Variants in TIA1 observed in about 807,000 individuals in gnomAD.
The protein encoded by TIA1 is cytotoxic granule associated RNA binding protein TIA1.
A neutral mutation model predicts 65.9 loss-of-function variants in TIA1; 23 were observed. That is an observed-to-expected ratio of 0.35 (90% CI 0.25 to 0.49). The LOEUF is 0.49. Ranked by LOEUF, TIA1 falls within the 20% of genes least tolerant of loss-of-function variation. The pLI, the probability that TIA1 is intolerant of heterozygous loss-of-function variation, is 0.98. For missense variants in TIA1, 371 were observed against 477.9 expected, an observed-to-expected ratio of 0.78 and a Z score of 2.09; for synonymous variants, 147 against 149.4, an observed-to-expected ratio of 0.98 and a Z score of 0.12.
intron 7 of TIA1, among the ~76,000 whole-genome samples, chr2:70,223,960 G>A (rs1407385098): frequency 6.6e-6 from 1 of 151,960 alleles, no homozygotes; most frequent in South Asian, 2.1e-4. Flanking sequence ...TCACTCTGTC[G>A]CCCAGGCTGT....
chr2:70,212,890 G>A lies in TIA1; in HGVS notation c.1035-45C>T, dbSNP rs368903273. ...AAGCAGAGGGGAGAGGAAATCCACT[G>A]ATTAAAATAAAGTATTGGCAAGAAC... On this transcript the variant is annotated intron_variant, in intron 12 of 12. Coordinates refer to ENST00000433529, the MANE Select transcript of TIA1 (RefSeq NM_022173.4). 8 of 1,330,660 alleles carry A rather than the reference G, an allele frequency of 6.0e-6. No individual in the cohort carries two copies. In the African/African-American group the frequency reaches 1.2e-4, roughly 19 times the overall value. The allele number at this position is 1,330,660 out of a possible 1,614,324, so 82.4% of individuals were successfully genotyped here.
chr2:70,217,412 TTTC>T (rs1679123703), intron 7 of TIA1, among the ~76,000 whole-genome samples: 1 of 139,734 alleles, frequency 7.2e-6, no homozygotes, highest in Non-Finnish European at 1.6e-5. Flanking sequence ...TTCTTTTTTT[TTTC>T]TTTTTTAAGT....
chr2:70,232,006 T>A (rs1003226300), intron 2 of TIA1, among the ~76,000 whole-genome samples: 5 of 151,012 alleles, frequency 3.3e-5, no homozygotes, highest in Non-Finnish European at 2.9e-5. Flanking sequence ...ATCGACACCA[T>A]CCTGGCTAGC....
At chr2:70,233,337 A>T (rs1687350483) in intron 2 of TIA1, among the ~76,000 whole-genome samples, 1 of 152,226 alleles carries the variant, frequency 6.6e-6, no homozygotes, top group Non-Finnish European at 1.5e-5. Context: ...GGCCAAGACA[A>T]AGTTTAATAT....
At chr2:70,213,801 A>T (rs183965493) in intron 12 of TIA1, among the ~76,000 whole-genome samples, 1 of 151,966 alleles carries the variant, frequency 6.6e-6, no homozygotes, top group Non-Finnish European at 1.5e-5. Flanking sequence ...ACTGGTGTGC[A>T]CCACTACACC....
At chr2:70,227,279 G>T (rs1684226926) in intron 6 of TIA1, among the ~76,000 whole-genome samples, 1 of 152,048 alleles carries the variant, frequency 6.6e-6, no homozygotes, top group East Asian at 1.9e-4. Context: ...TTTTTTAAAA[G>T]GGTGTAAATA....
chr2:70,209,726 CT>C lies in TIA1; in HGVS notation c.*2992del. 1 of 398,158 alleles carries C rather than the reference CT, an allele frequency of 2.5e-6. No individual in the cohort carries two copies. The highest frequency in any genetic ancestry group is 4.4e-6 in the Non-Finnish European group (1 of 225,850). The allele number at this position is 398,158 out of a possible 1,614,324, so 24.7% of individuals were successfully genotyped here. ...AAGAACATTATTTGAGAGAAAAAAA[CT>C]GATTTTTTTTAAAGAAATCATCACT... On this transcript the variant is annotated 3_prime_UTR_variant, in exon 13 of 13. Transcript: ENST00000433529.
At chr2:70,221,056 G>A (rs1045437573) in intron 7 of TIA1, among the ~76,000 whole-genome samples, 2 of 152,012 alleles carry the variant, frequency 1.3e-5, no homozygotes, top group African/African-American at 4.8e-5. Flanking sequence ...GCCCAGGCTG[G>A]AGTGCAGTGG....
intron 1 of TIA1, among the ~76,000 whole-genome samples, chr2:70,241,448 GA>G (rs900084762): frequency 1.0e-4 from 15 of 147,996 alleles, no homozygotes; most frequent in South Asian, 2.1e-4. Context: ...CTTAAAAAAA[GA>G]AAAAAAAAAG....
intron 1 of TIA1, among the ~76,000 whole-genome samples, chr2:70,246,173 C>T (rs908822992): frequency 7.2e-5 from 11 of 152,216 alleles, no homozygotes; most frequent in Admixed American, 1.3e-4. Context: ...ATCCACCCTC[C>T]TCAGCCCCCC....
At chr2:70,220,251 T>C (rs529268122) in intron 7 of TIA1, among the ~76,000 whole-genome samples, 1 of 151,672 alleles carries the variant, frequency 6.6e-6, no homozygotes, top group African/African-American at 2.4e-5. Flanking sequence ...CTACAAAAAA[T>C]AGAAAAATTA....
At chr2:70,241,432 CTCTG>C (rs1691669825) in intron 1 of TIA1, among the ~76,000 whole-genome samples, 1 of 151,800 alleles carries the variant, frequency 6.6e-6, no homozygotes, top group Admixed American at 6.6e-5. Context: ...CAGAGCGAGA[CTCTG>C]TCTTAAAAAA....
At chr2:70,229,615 T>C (rs1426516900) in intron 3 of TIA1, among the ~76,000 whole-genome samples, 1 of 152,164 alleles carries the variant, frequency 6.6e-6, no homozygotes. Flanking sequence ...ATTCAGCAAA[T>C]ATTTTGTTAT....
chr2:70,226,120 T>C (rs528223801), intron 6 of TIA1, among the ~76,000 whole-genome samples: 1 of 151,942 alleles, frequency 6.6e-6, no homozygotes, highest in South Asian at 2.1e-4. Flanking sequence ...ATTATCTCAA[T>C]TGAAAATCAT....
chr2:70,227,516 T>C, intron 6 of TIA1, among the ~76,000 whole-genome samples: 1 of 152,126 alleles, frequency 6.6e-6, no homozygotes, highest in Non-Finnish European at 1.5e-5. Context: ...GCTATGCTAA[T>C]TGAAAAAGGA....
At chr2:70,227,874 T>G in intron 5 of TIA1, 52 bp from the exon 6 acceptor site, 1 of 1,205,300 alleles carries the variant, frequency 8.3e-7, no homozygotes, top group South Asian at 1.3e-5. Flanking sequence ...CTTTAGAATT[T>G]AAAAAGTACT....
chr2:70,215,782 C>T (rs769974638), intron 10 of TIA1: 85 of 330,744 alleles, frequency 2.6e-4, no homozygotes, highest in Non-Finnish European at 4.0e-4. Flanking sequence ...GTGTCTGGCT[C>T]TGTTGCCCAT....
intron 8 of TIA1, 114 bp from the exon 9 acceptor site, chr2:70,216,613 A>G (rs1678738643): frequency 2.3e-6 from 3 of 1,278,534 alleles, no homozygotes; most frequent in Non-Finnish European, 2.1e-6. Flanking sequence ...CAAAATGCTT[A>G]TATTACACAT....
At chr2:70,217,968 T>C (rs1455906841) in intron 7 of TIA1, among the ~76,000 whole-genome samples, 1 of 152,246 alleles carries the variant, frequency 6.6e-6, no homozygotes, top group Non-Finnish European at 1.5e-5. Flanking sequence ...ATTTGGTTTC[T>C]CATTCATCCA....
Sources: allele counts gnomAD v4.1 joint callset (sites outside exome capture counted in the v4.1 genomes callset), GRCh38; gene constraint gnomAD v4.1.1; transcripts MANE v1.5; gene names NCBI Gene and HGNC (gene_info 2026-07-23, HGNC 2026-07-21).